The following PTPRN2 variants were observed in gnomAD, a reference collection of about 807,000 sequenced individuals.
PTPRN2 encodes the protein receptor-type tyrosine-protein phosphatase N2.
PTPRN2 carries 74 observed loss-of-function variants against 118.8 expected under a neutral mutation model. The observed-to-expected ratio is 0.62, with a 90% CI of 0.52 to 0.76. The LOEUF (loss-of-function observed/expected upper bound fraction) is 0.76. PTPRN2 is among the 30% of genes least tolerant of loss of function. The probability of loss-of-function intolerance (pLI) is 0.00; values close to 1 mark genes in which losing one functional copy is unlikely to be tolerated. For synonymous variants in PTPRN2, 641 were observed against 608.0 expected (o/e 1.05, Z -0.80); for missense variants, 1,481 against 1,394.4 (o/e 1.06, Z -0.99).
At chr7:157,644,625 G>A (rs527460893) in intron 14 of PTPRN2, among the ~76,000 whole-genome samples, 9 of 152,122 alleles carry the variant, frequency 5.9e-5, no homozygotes, top group South Asian at 2.1e-4. Flanking sequence ...GAGAAACCCC[G>A]ACTCTACTAA....
At chr7:158,055,959 A>C (rs374153286) in intron 11 of PTPRN2, among the ~76,000 whole-genome samples, 7 of 152,298 alleles carry the variant, frequency 4.6e-5, no homozygotes, top group African/African-American at 1.7e-4. Flanking sequence ...GCTGGACCCT[A>C]CACAGAGCGA....
chr7:158,157,111 G>A (rs772794606), intron 6 of PTPRN2, among the ~76,000 whole-genome samples: 5 of 151,606 alleles, frequency 3.3e-5, no homozygotes, highest in East Asian at 1.9e-4. Context: ...CTTACACAGC[G>A]GACAGCACGC....
At chr7:157,694,300 G>A (rs1797664336) in intron 12 of PTPRN2, among the ~76,000 whole-genome samples, 1 of 152,220 alleles carries the variant, frequency 6.6e-6, no homozygotes, top group Admixed American at 6.5e-5. Flanking sequence ...GTTCCATGCG[G>A]GTTCACCAGC....
chr7:157,819,647 C>G (rs1806680353), intron 12 of PTPRN2, among the ~76,000 whole-genome samples: 1 of 152,130 alleles, frequency 6.6e-6, no homozygotes, highest in Non-Finnish European at 1.5e-5. Flanking sequence ...CCACCCCTAC[C>G]TCCTTTTGGC....
chr7:157,796,770 G>A (rs1018198725), intron 12 of PTPRN2, among the ~76,000 whole-genome samples: 3 of 152,108 alleles, frequency 2.0e-5, no homozygotes, highest in Non-Finnish European at 4.4e-5. Context: ...GGGCGTAGGC[G>A]CAAGGTGGGA....
Position 158,223,272 on chromosome 7 carries a change from T to C in PTPRN2, c.278-17999A>G, listed in dbSNP as rs75164236. ...TAAAGAGGAATTAAAACAAATTCCA[T>C]AAATATCTTCCAGAAAATAGAAGGC... On this transcript the variant is annotated intron_variant, in intron 3 of 22. Coordinates refer to ENST00000389418, the MANE Select transcript of PTPRN2 (RefSeq NM_002847.5). Among the ~76,000 whole-genome samples the C allele has an allele frequency of 0.01, 1,584 of 152,264 alleles. 87 individuals are homozygous for C. In the East Asian group the frequency reaches 0.17, roughly 17 times the overall value.
intron 11 of PTPRN2, among the ~76,000 whole-genome samples, chr7:157,981,890 C>G (rs1158920532): frequency 6.6e-6 from 1 of 152,270 alleles, no homozygotes; most frequent in Non-Finnish European, 1.5e-5. Flanking sequence ...CCAGGTGCCA[C>G]CTGGAGGTTG....
intron 2 of PTPRN2, among the ~76,000 whole-genome samples, chr7:158,407,121 T>C (rs377001952): frequency 0.03 from 4,339 of 143,856 alleles, 89 homozygotes; most frequent in East Asian, 0.048. Context: ...TCCTGCGTCC[T>C]GGGTCCTGGG....
intron 10 of PTPRN2, among the ~76,000 whole-genome samples, chr7:158,085,259 G>C (rs1372046502): frequency 9.1e-6 from 1 of 109,470 alleles, no homozygotes; most frequent in African/African-American, 3.8e-5. Context: ...CCACACCCAT[G>C]ACACCCATCC....
intron 11 of PTPRN2, among the ~76,000 whole-genome samples, chr7:158,040,382 C>G (rs368133562): frequency 2.7e-5 from 4 of 147,856 alleles, no homozygotes; most frequent in African/African-American, 1.0e-4. Context: ...CACGTGCATA[C>G]ACATGTGCAC....
intron 3 of PTPRN2, among the ~76,000 whole-genome samples, chr7:158,298,191 T>A (rs1293992727): frequency 4.6e-5 from 7 of 152,374 alleles, no homozygotes; most frequent in African/African-American, 1.7e-4. Flanking sequence ...TTCTTGATGC[T>A]TGCCCTCATT....
At chr7:158,115,156 T>C (rs1040827008) in intron 9 of PTPRN2, among the ~76,000 whole-genome samples, 20 of 151,896 alleles carry the variant, frequency 1.3e-4, no homozygotes, top group Non-Finnish European at 2.4e-4. Flanking sequence ...CCAGCCTGGG[T>C]GAAAGAGCAA....
intron 12 of PTPRN2, among the ~76,000 whole-genome samples, chr7:157,706,083 T>C (rs112706291): frequency 0.012 from 1,807 of 151,764 alleles, 34 homozygotes; most frequent in African/African-American, 0.042. Context: ...TGAGCCAATC[T>C]GTCCCAGGTG....
At chr7:158,532,951 G>A (rs942890160) in intron 1 of PTPRN2, 6 of 363,914 alleles carry the variant, frequency 1.6e-5, no homozygotes, top group Admixed American at 1.2e-4. Context: ...CCAAGCCAGG[G>A]ACAAGGCCTC....
intron 1 of PTPRN2, among the ~76,000 whole-genome samples, chr7:158,518,928 T>C (rs1050738512): frequency 6.6e-6 from 1 of 152,116 alleles, no homozygotes; most frequent in African/African-American, 2.4e-5. Context: ...GAGGTTGCAG[T>C]GAGCTGAGAT....
At chr7:157,571,606 G>A (rs1799761898) in intron 19 of PTPRN2, 113 bp from the exon 20 acceptor site, 4 of 712,158 alleles carry the variant, frequency 5.6e-6, no homozygotes, top group South Asian at 2.0e-5. Flanking sequence ...TTTTGCAATC[G>A]CTTGTTTTGA....
At chr7:157,564,826 C>T (rs1052036142) in intron 21 of PTPRN2, among the ~76,000 whole-genome samples, 4 of 152,208 alleles carry the variant, frequency 2.6e-5, no homozygotes, top group Non-Finnish European at 5.9e-5. Context: ...GGGACATATC[C>T]AGGGATGTGG....
At chr7:157,669,533 C>CA in intron 13 of PTPRN2, 1 of 491,222 alleles carries the variant, frequency 2.0e-6, no homozygotes, top group African/African-American at 1.9e-5. Flanking sequence ...GACACCCAGT[C>CA]AGGGGCTGTA....
rs967115755 is a variant in PTPRN2, at chr7:157,587,925, G to A, written c.2496+7313C>T. Among the ~76,000 whole-genome samples, 2 of 151,066 alleles carry A rather than the reference G, an allele frequency of 1.3e-5. No homozygotes were observed. Among genetic ancestry groups the A allele is most frequent in the African/African-American group, 2.4e-5 (1 of 41,062 alleles). ...CTGTCCCCGTGCCTGGGCTCCCGCG[G>A]TGGCTGTCCCCGTGCCTGGGCTCCC... is the stretch of plus-strand genomic sequence containing the variant. On this transcript the variant is annotated intron_variant, in intron 17 of 22. Transcript: ENST00000389418. The surrounding 1 kb of genome is among the most constrained non-coding windows in gnomAD (Gnocchi z 5.3).
Sources: allele counts gnomAD v4.1 joint callset (sites outside exome capture counted in the v4.1 genomes callset), GRCh38; gene constraint gnomAD v4.1.1; non-coding constraint Gnocchi (gnomAD v3.1); transcripts MANE v1.5; gene names NCBI Gene and HGNC (gene_info 2026-07-23, HGNC 2026-07-21).